GABBR2: variants seen among roughly 807,000 people sequenced by gnomAD.
The protein encoded by GABBR2 is G-protein coupled receptor 51.
GABBR2 carries 23 observed loss-of-function variants against 105.6 expected under a neutral mutation model. The ratio of observed to expected loss-of-function variants is 0.22; its 90% CI spans 0.16 to 0.31. GABBR2 has a LOEUF of 0.31. Among genes scored for constraint, GABBR2 ranks in the 10% least tolerant of loss-of-function variants. GABBR2 has a pLI of 1.00. For synonymous variants in GABBR2, 478 were observed against 499.7 expected (o/e 0.96, Z 0.58); for missense variants, 734 against 1,245.5 (o/e 0.59, Z 6.18).
chr9:98,349,986 T>C (rs1223009752), intron 13 of GABBR2, among the ~76,000 whole-genome samples: 1 of 151,762 alleles, frequency 6.6e-6, no homozygotes, highest in Non-Finnish European at 1.5e-5. Flanking sequence ...GTAGGTTACA[T>C]GTGTCCAGAA....
chr9:98,359,363 G>A (rs183625338), intron 13 of GABBR2, among the ~76,000 whole-genome samples: 166 of 152,294 alleles, frequency 1.1e-3, no homozygotes, highest in African/African-American at 3.7e-3. Context: ...AGGAGATGGA[G>A]GTTGAGCAGC....
chr9:98,536,949 G>A (rs1025156256), intron 3 of GABBR2, among the ~76,000 whole-genome samples: 2 of 152,288 alleles, frequency 1.3e-5, no homozygotes, highest in Admixed American at 1.3e-4. Flanking sequence ...AGTAGACCGA[G>A]GCCACCAGGT....
intron 1 of GABBR2, among the ~76,000 whole-genome samples, chr9:98,578,366 C>T (rs1011575173): frequency 6.6e-6 from 1 of 152,082 alleles, no homozygotes; most frequent in African/African-American, 2.4e-5. Flanking sequence ...TAATGCCTCG[C>T]CCTGGGATCT....
At chr9:98,549,623 G>T (rs1285222270) in intron 2 of GABBR2, among the ~76,000 whole-genome samples, 3 of 152,192 alleles carry the variant, frequency 2.0e-5, no homozygotes, top group Non-Finnish European at 1.5e-5. Flanking sequence ...GGATAAGACT[G>T]CCCAGCTCAT....
chr9:98,375,454 C>A (rs923978091), intron 11 of GABBR2: 10 of 152,198 alleles, frequency 6.6e-5, no homozygotes, highest in African/African-American at 2.2e-4. Context: ...GCCTCTCCCA[C>A]TAGATGAAGC....
intron 7 of GABBR2, among the ~76,000 whole-genome samples, chr9:98,423,572 G>A (rs1832822512): frequency 6.6e-6 from 1 of 152,126 alleles, no homozygotes; most frequent in African/African-American, 2.4e-5. Flanking sequence ...TCACTCTGAT[G>A]GTAGTTTCTT....
chr9:98,676,232 G>A (rs1830475802), intron 1 of GABBR2, among the ~76,000 whole-genome samples: 1 of 152,242 alleles, frequency 6.6e-6, no homozygotes. Context: ...AGGAATGCAG[G>A]TGACCTCGAG....
chr9:98,351,932 G>A (rs1471506088), intron 13 of GABBR2, among the ~76,000 whole-genome samples: 1 of 152,178 alleles, frequency 6.6e-6, no homozygotes, highest in African/African-American at 2.4e-5. Context: ...CTGTGCATCT[G>A]GTATAACAGC....
chr9:98,586,233 G>A (rs116849701), intron 1 of GABBR2, among the ~76,000 whole-genome samples: 2,765 of 151,650 alleles, frequency 0.018, 49 homozygotes, highest in Non-Finnish European at 0.029. Context: ...TACCCAGGGG[G>A]AGCCCCAGGC....
chr9:98,627,221 T>G (rs1829750911), intron 1 of GABBR2, among the ~76,000 whole-genome samples: 1 of 152,090 alleles, frequency 6.6e-6, no homozygotes, highest in African/African-American at 2.4e-5. Context: ...TGGGACTTTC[T>G]CTGTGAATAA....
intron 16 of GABBR2, among the ~76,000 whole-genome samples, chr9:98,300,624 T>G (rs552420854): frequency 2.6e-5 from 4 of 152,344 alleles, no homozygotes; most frequent in Non-Finnish European, 4.4e-5. Flanking sequence ...CTGGCTGCTA[T>G]ATCTCTTGTA....
Position 98,665,219 on chromosome 9 carries a change from T to C in GABBR2, c.321+43198A>G, listed in dbSNP as rs543853017. 3.3e-5 allele frequency among the ~76,000 whole-genome samples: 5 copies of C among 152,032 alleles called. No homozygotes were observed. In the East Asian group the frequency reaches 9.7e-4, roughly 29 times the overall value. On this transcript the variant is annotated intron_variant, in intron 1 of 18. Transcript: ENST00000259455. ...GGGAGGTCCAGGCTGCAGTGAACCA[T>C]GATCGTTCCACTGCACTTCAGCCTC...
At chr9:98,586,117 T>C (rs1829071371) in intron 1 of GABBR2, among the ~76,000 whole-genome samples, 1 of 152,224 alleles carries the variant, frequency 6.6e-6, no homozygotes, top group South Asian at 2.1e-4. Context: ...AAATATTCCA[T>C]ATACAATAAC....
chr9:98,688,617 T>C (rs901557670), intron 1 of GABBR2, among the ~76,000 whole-genome samples: 1 of 152,182 alleles, frequency 6.6e-6, no homozygotes, highest in African/African-American at 2.4e-5. Context: ...ATCAGCCTAG[T>C]AATTTTCTCA....
At chr9:98,576,192 G>A (rs949796896) in intron 2 of GABBR2, among the ~76,000 whole-genome samples, 1 of 152,198 alleles carries the variant, frequency 6.6e-6, no homozygotes, top group East Asian at 1.9e-4. Flanking sequence ...CAAGTGGAAT[G>A]AAACAGATCC....
At chr9:98,360,394 T>C (rs992759747) in intron 13 of GABBR2, among the ~76,000 whole-genome samples, 4 of 151,900 alleles carry the variant, frequency 2.6e-5, no homozygotes, top group Admixed American at 1.3e-4. Flanking sequence ...AACCCTAAAA[T>C]AAAAGAAGAA....
rs376323708 is a variant in GABBR2 at position 98,684,169 on chromosome 9, T to TTAA, written c.321+24247_321+24248insTTA. On this transcript the variant is annotated intron_variant, in intron 1 of 18. Transcript: ENST00000259455. The stretch of plus-strand genomic sequence containing the variant: ...AAAAGAAGAATGCATTTTACCACGG[T>TTAA]AAAAAAAAAAAAAAAAAAAAAAAAA... 4.8e-4 allele frequency among the ~76,000 whole-genome samples: 32 copies of TTAA among 66,140 alleles called. 5 individuals are homozygous for TTAA. Among genetic ancestry groups the TTAA allele is most frequent in the Non-Finnish European group, 4.9e-4 (18 of 36,732 alleles). 43.4% of individuals were successfully genotyped at this position (66,140 alleles called of 152,430 possible).
At chr9:98,501,945 G>A (rs1588198614) in intron 3 of GABBR2, among the ~76,000 whole-genome samples, 6 of 152,264 alleles carry the variant, frequency 3.9e-5, no homozygotes, top group African/African-American at 4.8e-5. Flanking sequence ...CAGCAGAGAC[G>A]AGCGCGTCTG....
In GABBR2 at chr9:98,484,005, C is replaced by T. The variant is rs533865249; in HGVS notation, c.733-3008G>A. 2.0e-3 allele frequency among the ~76,000 whole-genome samples: 306 copies of T among 152,302 alleles called. 2 individuals are homozygous for T. The highest frequency in any genetic ancestry group is 6.4e-3 in the African/African-American group (268 of 41,554). Reference sequence around the variant, plus strand: ...TGAATTAATCCAGTGTGCAGCATCACGCACAATGCCTGGCCTACGCTGCTT... The same window carrying T: ...TGAATTAATCCAGTGTGCAGCATCATGCACAATGCCTGGCCTACGCTGCTT... On this transcript the variant is annotated intron_variant, in intron 4 of 18. Transcript: ENST00000259455.
Sources: gnomAD v4.1 joint callset for allele counts (sites outside exome capture counted in the v4.1 genomes callset) on GRCh38, gnomAD v4.1.1 for gene constraint, MANE v1.5 for transcripts, NCBI Gene and HGNC (gene_info 2026-07-23, HGNC 2026-07-21) for gene names.